The following NIM1K variants were observed in gnomAD, a reference collection of about 807,000 sequenced individuals.
The protein encoded by NIM1K is NIM1 serine/threonine protein kinase.
Under a neutral mutation model 37.1 loss-of-function variants are expected in NIM1K, and 35 were observed. That is an observed-to-expected ratio of 0.94 (90% CI 0.72 to 1.25). NIM1K has a LOEUF of 1.25. NIM1K is among the 50% of genes most tolerant of loss of function. The pLI is 0.00. For missense variants in NIM1K, 564 were observed against 548.0 expected, an observed-to-expected ratio of 1.03 and a Z score of -0.29; for synonymous variants, 234 against 206.6, an observed-to-expected ratio of 1.13 and a Z score of -1.14.
intron 1 of NIM1K, among the ~76,000 whole-genome samples, chr5:43,243,526 T>C (rs1352510364): frequency 6.6e-6 from 1 of 152,068 alleles, no homozygotes. Context: ...CCCAGGATGA[T>C]TAAGAATCAG....
chr5:43,264,956 T>C (rs866235570), intron 2 of NIM1K, among the ~76,000 whole-genome samples: 1 of 152,366 alleles, frequency 6.6e-6, no homozygotes, highest in Middle Eastern at 3.4e-3. Context: ...CCCCACTCTC[T>C]TCTGGCTTGT....
intron 1 of NIM1K, among the ~76,000 whole-genome samples, chr5:43,201,973 CAAAAAA>C (rs1233857895): frequency 2.2e-5 from 2 of 89,046 alleles, no homozygotes. Flanking sequence ...GACTCCCTCT[CAAAAAA>C]AAAAAAAAAA....
intron 1 of NIM1K, among the ~76,000 whole-genome samples, chr5:43,195,902 G>C (rs1440247304): frequency 2.0e-5 from 3 of 152,216 alleles, no homozygotes; most frequent in Non-Finnish European, 2.9e-5. Flanking sequence ...CAAGTGAAAA[G>C]AGGGTTGCAC....
At chr5:43,208,946 C>T (rs769929496) in intron 1 of NIM1K, among the ~76,000 whole-genome samples, 2 of 152,148 alleles carry the variant, frequency 1.3e-5, no homozygotes, top group African/African-American at 4.8e-5. Flanking sequence ...AGCAGGAACT[C>T]GGGCAAAGGC....
At chr5:43,259,490 G>A (rs746462543) in intron 2 of NIM1K, among the ~76,000 whole-genome samples, 12 of 152,100 alleles carry the variant, frequency 7.9e-5, no homozygotes, top group South Asian at 2.1e-4. Context: ...GGGGTAAAGC[G>A]GTATCTCACT....
At chr5:43,247,129 A>C (rs879851830) in intron 2 of NIM1K, among the ~76,000 whole-genome samples, 11 of 151,982 alleles carry the variant, frequency 7.2e-5, no homozygotes, top group Non-Finnish European at 1.5e-4. Context: ...CTCCACATAC[A>C]TGTTTGCATA....
chr5:43,220,766 A>G (rs1044519651), intron 1 of NIM1K, among the ~76,000 whole-genome samples: 3 of 152,172 alleles, frequency 2.0e-5, no homozygotes, highest in Non-Finnish European at 4.4e-5. Context: ...TTGTTATGCC[A>G]TTATTGTTAT....
chr5:43,198,207 C>CTCTTTCTTTCTTTCTTTCTTTCTTTCTT (rs1176718462), intron 1 of NIM1K, among the ~76,000 whole-genome samples: 1 of 48,872 alleles, frequency 2.0e-5, no homozygotes, highest in Non-Finnish European at 4.1e-5. Context: ...TTCTTTCTTT[C>CTCTTTCTTTCTTTCTTTCTTTCTTTCTT]TCTTTCTTTC....
At chr5:43,270,494 T>C (rs1753239310) in intron 2 of NIM1K, among the ~76,000 whole-genome samples, 1 of 152,104 alleles carries the variant, frequency 6.6e-6, no homozygotes, top group South Asian at 2.1e-4. Context: ...CTTATTTTAC[T>C]CAATAAAGTA....
At chr5:43,261,321 T>C (rs57177995) in intron 2 of NIM1K, among the ~76,000 whole-genome samples, 4,886 of 152,270 alleles carry the variant, frequency 0.032, 290 homozygotes, top group African/African-American at 0.11. Context: ...GAGATGGTAT[T>C]TCATTGTGGT....
intron 1 of NIM1K, among the ~76,000 whole-genome samples, chr5:43,220,364 C>T (rs981579912): frequency 5.3e-5 from 8 of 149,682 alleles, no homozygotes; most frequent in Admixed American, 3.3e-4. Context: ...CAGCACACTG[C>T]AACCTTCACC....
At chr5:43,196,779 TC>T (rs1751922650) in intron 1 of NIM1K, among the ~76,000 whole-genome samples, 1 of 152,088 alleles carries the variant, frequency 6.6e-6, no homozygotes, top group Admixed American at 6.6e-5. Flanking sequence ...TGCTGTTTTT[TC>T]TTTTTTTCTT....
At chr5:43,207,587 C>A (rs747949260) in intron 1 of NIM1K, 49 of 675,516 alleles carry the variant, frequency 7.3e-5, no homozygotes, top group Non-Finnish European at 1.3e-4. Flanking sequence ...GAATCTTGAC[C>A]TCTCAATGAA....
chr5:43,237,726 T>C (rs1336037583), intron 1 of NIM1K, among the ~76,000 whole-genome samples: 1 of 152,168 alleles, frequency 6.6e-6, no homozygotes, highest in Non-Finnish European at 1.5e-5. Flanking sequence ...AAAATGAATA[T>C]TTAAATACCC....
intron 2 of NIM1K, among the ~76,000 whole-genome samples, chr5:43,253,212 A>ATG (rs10603525): frequency 0.029 from 3,833 of 131,678 alleles, 214 homozygotes; most frequent in African/African-American, 0.1. Context: ...AATATAATAT[A>ATG]TGTGTGTGTG....
At chr5:43,232,839 GC>G (rs1175896205) in intron 1 of NIM1K, 7 of 1,033,458 alleles carry the variant, frequency 6.8e-6, no homozygotes, top group Non-Finnish European at 1.1e-5. Flanking sequence ...TGATCTCCTG[GC>G]CAATGGTGTA....
intron 1 of NIM1K, among the ~76,000 whole-genome samples, chr5:43,213,630 A>ACAC (rs1752253342): frequency 6.6e-6 from 1 of 152,104 alleles, no homozygotes; most frequent in Non-Finnish European, 1.5e-5. Flanking sequence ...AGTAGCTGGG[A>ACAC]TTACAGGTGC....
At chr5:43,272,040 G>A (rs894128576) in intron 2 of NIM1K, among the ~76,000 whole-genome samples, 4 of 152,078 alleles carry the variant, frequency 2.6e-5, no homozygotes, top group African/African-American at 7.2e-5. Context: ...ACGTATGAAG[G>A]TACCACAATT....
chr5:43,278,888 T>A (rs373525796), intron 3 of NIM1K, among the ~76,000 whole-genome samples: 1 of 152,172 alleles, frequency 6.6e-6, no homozygotes, highest in African/African-American at 2.4e-5. Context: ...CTGTGATATA[T>A]GACCAATCAT....
Sources: gnomAD v4.1 joint callset for allele counts (sites outside exome capture counted in the v4.1 genomes callset) on GRCh38, gnomAD v4.1.1 for gene constraint, MANE v1.5 for transcripts, NCBI Gene and HGNC (gene_info 2026-07-23, HGNC 2026-07-21) for gene names.